The following GRB10 variants were observed in gnomAD, a reference collection of about 807,000 sequenced individuals.
GRB10 encodes growth factor receptor bound protein 10.
A neutral mutation model predicts 80.9 loss-of-function variants in GRB10; 20 were observed. The observed-to-expected ratio is 0.25, with a 90% confidence interval of 0.17 to 0.36. GRB10 has a LOEUF of 0.36. GRB10 is among the 10% of genes least tolerant of loss of function. GRB10 has a pLI of 1.00. For synonymous variants in GRB10, 291 were observed against 291.5 expected, an observed-to-expected ratio of 1.00 and a Z score of 0.02; for missense variants, 548 against 747.7, an observed-to-expected ratio of 0.73 and a Z score of 3.12.
chr7:50,662,807 C>T (rs2059413416), intron 7 of GRB10, among the ~76,000 whole-genome samples: 1 of 152,172 alleles, frequency 6.6e-6, no homozygotes, highest in South Asian at 2.1e-4. Context: ...TCTCTTAGAA[C>T]CCAAATGTGA....
intron 17 of GRB10, 86 bp from the exon 18 acceptor site, chr7:50,595,616 C>CACACACACACAT (rs2046512230): frequency 1.3e-6 from 1 of 757,906 alleles, no homozygotes; most frequent in African/African-American, 1.7e-5. Context: ...CACACACACA[C>CACACACACACAT]ACACACACAC....
chr7:50,660,837 C>CTTAT (rs3831532), intron 7 of GRB10, among the ~76,000 whole-genome samples: 1 of 151,692 alleles, frequency 6.6e-6, no homozygotes, highest in East Asian at 2.0e-4. Context: ...TCTTATCCAT[C>CTTAT]CCGCCAGGGC....
At chr7:50,667,977 T>C (rs970731265) in intron 7 of GRB10, among the ~76,000 whole-genome samples, 2 of 152,190 alleles carry the variant, frequency 1.3e-5, no homozygotes, top group African/African-American at 4.8e-5. Flanking sequence ...ACAACCTCAG[T>C]GACAAAACCC....
rs140289825 is a variant in GRB10, at chr7:50,776,338, T to A, written c.-217+4289A>T. On this transcript the variant is annotated intron_variant, in intron 2 of 18. Transcript: ENST00000401949. ...AAGTGATCTTCCCACTTCAGTCCCC[T>A]TGAGTAGCTGGGGCTAAGTGCACAC... Among the ~76,000 whole-genome samples the A allele has an allele frequency of 1.8e-4, 28 of 151,986 alleles. No individual in the cohort carries two copies. In the East Asian group the frequency reaches 5.2e-3, roughly 28 times the overall value.
chr7:50,792,734 G>C (rs2078983701), intron 1 of GRB10: 2 of 310,912 alleles, frequency 6.4e-6, no homozygotes, highest in East Asian at 9.8e-5. Flanking sequence ...GGACGCCCGG[G>C]CGCGCGCGCC....
intron 4 of GRB10, among the ~76,000 whole-genome samples, chr7:50,731,168 C>G (rs1163927993): frequency 1.3e-5 from 2 of 152,176 alleles, no homozygotes; most frequent in Non-Finnish European, 2.9e-5. Context: ...GGGTCACCAC[C>G]AAACTTTGCA....
At chr7:50,723,827 T>C (rs1243062145) in intron 4 of GRB10, among the ~76,000 whole-genome samples, 1 of 151,938 alleles carries the variant, frequency 6.6e-6, no homozygotes, top group Non-Finnish European at 1.5e-5. Flanking sequence ...AGACTCTTGA[T>C]GGAGAAAAGA....
At chr7:50,714,583 A>G (rs1226253853) in intron 4 of GRB10, among the ~76,000 whole-genome samples, 1 of 152,092 alleles carries the variant, frequency 6.6e-6, no homozygotes, top group East Asian at 1.9e-4. Context: ...GAATGGCGTG[A>G]ACCCAGGAGG....
At chr7:50,601,005 T>G (rs2047501114) in intron 17 of GRB10, among the ~76,000 whole-genome samples, 1 of 152,210 alleles carries the variant, frequency 6.6e-6, no homozygotes, top group Non-Finnish European at 1.5e-5. Flanking sequence ...AGGGGACATT[T>G]TAAAAAATGA....
chr7:50,636,203 T>A (rs1379670898), intron 7 of GRB10, among the ~76,000 whole-genome samples: 2 of 152,088 alleles, frequency 1.3e-5, no homozygotes, highest in African/African-American at 2.4e-5. Context: ...GGTCTCGAAC[T>A]CATGAGCTCA....
rs1224546915 is a variant in GRB10, at chr7:50,630,155, T to C, written c.505-3177A>G. The stretch of plus-strand genomic sequence containing the variant: ...TTTCCTCATCCAAGCTGTGGGGAAC[T>C]GCTCTGAGAATCAGTAATGTAAGCA... On this transcript the variant is annotated intron_variant, in intron 7 of 18. Transcript: ENST00000401949. Among the ~76,000 whole-genome samples the C allele has an allele frequency of 2.0e-5, 3 of 152,262 alleles. No individual in the cohort carries two copies. The East Asian group carries it at 5.8e-4, about 29-fold the overall frequency.
intron 1 of GRB10, among the ~76,000 whole-genome samples, chr7:50,790,645 C>T (rs879435001): frequency 6.6e-6 from 1 of 152,252 alleles, no homozygotes; most frequent in Admixed American, 6.5e-5. Flanking sequence ...ACCCTAGATA[C>T]AAGCTCAAAT....
In GRB10 at chr7:50,782,175, A is replaced by C. The variant is rs2078353345; in HGVS notation, c.-327+249T>G. Among the ~76,000 whole-genome samples the C allele has an allele frequency of 6.6e-6, 1 of 152,182 alleles. No homozygotes were observed. The highest frequency in any genetic ancestry group is 1.5e-5 in the Non-Finnish European group (1 of 68,018). ...CTCGTTACATAATATTAAACAATTA[A>C]GATTAAAAATGGTTACATAATACTG... On this transcript the variant is annotated intron_variant, in intron 1 of 18. Coordinates refer to ENST00000401949, the MANE Select transcript of GRB10 (RefSeq NM_001350814.2). This position sits in a 1 kb window ranked among gnomAD's most constrained non-coding sequence, Gnocchi z 6.6.
chr7:50,606,470 G>T, intron 13 of GRB10, 56 bp from the exon 14 acceptor site: 2 of 1,253,412 alleles, frequency 1.6e-6, no homozygotes, highest in Non-Finnish European at 2.4e-6. Context: ...GGCCCGGCAT[G>T]TGACAAACGC....
intron 7 of GRB10, among the ~76,000 whole-genome samples, chr7:50,648,796 C>G (rs868660641): frequency 6.6e-6 from 1 of 152,130 alleles, no homozygotes; most frequent in Non-Finnish European, 1.5e-5. Flanking sequence ...AGTCCCAGGT[C>G]CTTTTCTTTG....
intron 8 of GRB10, among the ~76,000 whole-genome samples, chr7:50,621,560 C>A (rs541030424): frequency 5.3e-5 from 8 of 152,368 alleles, no homozygotes; most frequent in African/African-American, 1.4e-4. Context: ...GGCACAAATG[C>A]TCCAGGCACC....
chr7:50,645,895 CAGTGGCCAGCCCCCA>C (rs1325567480), intron 7 of GRB10, among the ~76,000 whole-genome samples: 1 of 152,194 alleles, frequency 6.6e-6, no homozygotes, highest in Admixed American at 6.5e-5. Context: ...GAGTCCTAGC[CAGTGGCCAGCCCCCA>C]AGTCATATGC....
At chr7:50,630,015 T>C (rs1034268914) in intron 7 of GRB10, among the ~76,000 whole-genome samples, 3 of 152,214 alleles carry the variant, frequency 2.0e-5, no homozygotes, top group Non-Finnish European at 4.4e-5. Flanking sequence ...AAGAATCTGG[T>C]AACACCAGGA....
chr7:50,650,491 C>T (rs1443360854), intron 7 of GRB10, among the ~76,000 whole-genome samples: 1 of 152,120 alleles, frequency 6.6e-6, no homozygotes, highest in Non-Finnish European at 1.5e-5. Context: ...TGCATGCAGG[C>T]AGGAATGATT....
Sources: gnomAD v4.1 joint callset for allele counts (sites outside exome capture counted in the v4.1 genomes callset) on GRCh38, gnomAD v4.1.1 for gene constraint, Gnocchi (gnomAD v3.1) non-coding constraint, MANE v1.5 for transcripts, NCBI Gene and HGNC (gene_info 2026-07-23, HGNC 2026-07-21) for gene names.